MGAT1: variants seen among roughly 807,000 people sequenced by gnomAD.
MGAT1 encodes the protein alpha-1,3-mannosyl-glycoprotein 2-beta-N-acetylglucosaminyltransferase.
In MGAT1, 14 loss-of-function variants were observed where a neutral mutation model predicts 31.7. The ratio of observed to expected loss-of-function variants is 0.44; its 90% CI spans 0.29 to 0.69. The LOEUF (loss-of-function observed/expected upper bound fraction) is 0.69. MGAT1 is among the 30% of genes least tolerant of loss of function. The pLI, the probability that MGAT1 is intolerant of heterozygous loss-of-function variation, is 0.12. For synonymous variants in MGAT1, 338 were observed against 276.0 expected (o/e 1.22, Z -2.23); for missense variants, 557 against 626.0 (o/e 0.89, Z 1.18).
rs769149714 is a variant in MGAT1, at chr5:180,792,193, C to A, written c.779G>T (p.Arg260Leu). The change falls in exon 2 of 2, where the codon CGC (arginine) becomes CTC (leucine). Residue 260 changes from arginine (R) to leucine (L), a missense_variant. Arg to Leu is a moderately radical substitution (Grantham distance 102). Transcript: ENST00000307826. ...GCCCAGGCCAGGGAAAAAGTCGGTGCGGTAGAGCAGCTCAGGCCTGCTGGC... is the reference window on the plus strand; with the variant it reads ...GCCCAGGCCAGGGAAAAAGTCGGTGAGGTAGAGCAGCTCAGGCCTGCTGGC... ...VDASRPELLY[R>L]TDFFPGLGWL... 10 of 1,613,088 alleles carry A rather than the reference C, an allele frequency of 6.2e-6. No homozygotes were observed. The highest frequency in any genetic ancestry group is 8.5e-6 in the Non-Finnish European group (10 of 1,179,992).
intron 1 of MGAT1, among the ~76,000 whole-genome samples, chr5:180,813,051 T>C (rs1452694159): frequency 6.6e-6 from 1 of 152,200 alleles, no homozygotes; most frequent in Non-Finnish European, 1.5e-5. Context: ...CTTTTCACTT[T>C]TGCAAAATTA....
chr5:180,801,314 G>A (rs556037623), intron 1 of MGAT1, among the ~76,000 whole-genome samples: 82 of 152,316 alleles, frequency 5.4e-4, no homozygotes, highest in Middle Eastern at 3.4e-3. Flanking sequence ...TGGAAGAAAT[G>A]GTAACAGATT....
chr5:180,805,577 T>C (rs1316066286), upstream of MGAT1, among the ~76,000 whole-genome samples: 1 of 151,950 alleles, frequency 6.6e-6, no homozygotes, highest in Non-Finnish European at 1.5e-5. Context: ...TAGTGAAACA[T>C]CGTCTCTACT....
Position 180,785,773 on chromosome 5 carries a change from G to A in MGAT1, c.*5861C>T, listed in dbSNP as rs1242176906. 3 of 152,298 alleles carry A rather than the reference G, an allele frequency of 2.0e-5. No individual in the cohort carries two copies. Among genetic ancestry groups the A allele is most frequent in the Non-Finnish European group, 4.4e-5 (3 of 68,064 alleles). 9.4% of individuals were successfully genotyped at this position (152,298 alleles called of 1,614,324 possible). On this transcript the variant is annotated 3_prime_UTR_variant, in exon 2 of 2. Coordinates refer to ENST00000307826, the MANE Select transcript of MGAT1 (RefSeq NM_002406.4). ...AAAGGTTTTGCCCTTTTCCTAAATA[G>A]AAACTCTGAAAAGTAATCAAACAGT... is the stretch of plus-strand genomic sequence containing the variant.
intron 1 of MGAT1, among the ~76,000 whole-genome samples, chr5:180,801,954 A>G (rs1770861303): frequency 6.6e-6 from 1 of 152,230 alleles, no homozygotes; most frequent in Non-Finnish European, 1.5e-5. Context: ...TGGAAGGCAG[A>G]TCCTGGATGA....
rs780680621 is a variant in MGAT1 at position 180,792,190 on chromosome 5, G to A, written c.782C>T (p.Thr261Ile). 1.2e-6 allele frequency: 2 copies of A among 1,613,004 alleles called. No individual in the cohort carries two copies. Among genetic ancestry groups the A allele is most frequent in the Admixed American group, 3.3e-5 (2 of 60,016 alleles). ...DASRPELLYR[T>I]DFFPGLGWLL... is the part of the protein sequence containing the mutation. ...CCAGCCCAGGCCAGGGAAAAAGTCG[G>A]TGCGGTAGAGCAGCTCAGGCCTGCT... The change falls in exon 2 of 2, where the codon ACC (threonine) becomes ATC (isoleucine). Residue 261 changes from threonine (T) to isoleucine (I), a missense_variant. Physicochemically the swap from Thr to Ile is moderately conservative, Grantham distance 89. This residue lies in a region of MGAT1 where 245 missense variants were observed against 332.9 expected (regional missense o/e 0.74). Transcript: ENST00000307826.
Position 180,812,629 on chromosome 5 carries a change from C to T in MGAT1, c.-546+2785G>A, listed in dbSNP as rs186058963. Among the ~76,000 whole-genome samples, 1,061 of 152,194 alleles carry T rather than the reference C, an allele frequency of 7.0e-3. 4 individuals are homozygous for T. The highest frequency in any genetic ancestry group is 0.011 in the Admixed American group (169 of 15,286). On this transcript the variant is annotated intron_variant, in intron 1 of 2. Transcript: ENST00000333055. ...TTTCACAGTCCAAAGACAGATATTC[C>T]TGAATTGTAACTTTATTTTCTATAA...
intron 1 of MGAT1, chr5:180,810,187 C>A (rs979879808): frequency 6.6e-6 from 1 of 151,560 alleles, no homozygotes; most frequent in Non-Finnish European, 1.5e-5. Context: ...CTTCCCCCCT[C>A]CCACCATCCA....
intron 1 of MGAT1, among the ~76,000 whole-genome samples, chr5:180,800,343 AG>A (rs1437259385): frequency 1.3e-5 from 2 of 152,234 alleles, no homozygotes; most frequent in Admixed American, 1.3e-4. Context: ...TACTCCTCAC[AG>A]TTTCTATTGG....
In MGAT1 at chr5:180,792,127, T is replaced by C. The variant is rs1428952572; in HGVS notation, c.845A>G (p.Lys282Arg). The C allele has an allele frequency of 6.8e-6, 11 of 1,613,198 alleles. No individual in the cohort carries two copies. The highest frequency in any genetic ancestry group is 6.8e-6 in the Non-Finnish European group (8 of 1,179,936). The part of the protein sequence containing the change: ...LAELWAELEP[K>R]WPKAFWDDWM... ...GTCGTCCCAGAAGGCCTTTGGCCAC[T>C]TGGGCTCCAGCTCAGCCCAGAGCTC... The change falls in exon 2 of 2, where the codon AAG becomes AGG. Residue 282 changes from lysine to arginine, a missense_variant. Physicochemically the swap from Lys to Arg is conservative, Grantham distance 26. This residue lies in a region of MGAT1 where 245 missense variants were observed against 332.9 expected (regional missense o/e 0.74). Transcript: ENST00000307826.
Position 180,791,631 on chromosome 5 carries a change from G to A in MGAT1, c.*3C>T, listed in dbSNP as rs1277888744. 6.2e-7 allele frequency: 1 copy of A among 1,612,640 alleles called. No individual in the cohort carries two copies. Among genetic ancestry groups the A allele is most frequent in the Non-Finnish European group, 8.5e-7 (1 of 1,179,542 alleles). Reference sequence around the variant, plus strand: ...GGAGGGGCCCAGGAAGGACAGGCAGGTGCTAATTCCAGCTAGGATCATAGC... The same window carrying A: ...GGAGGGGCCCAGGAAGGACAGGCAGATGCTAATTCCAGCTAGGATCATAGC... On this transcript the variant is annotated 3_prime_UTR_variant, in exon 2 of 2. Transcript: ENST00000307826.
Position 180,784,859 on chromosome 5 carries a change from C to T in MGAT1, c.*6775G>A, listed in dbSNP as rs2306631. ...ACGATAAGCACATATTACTTATATACGAAAAAAGTTATTTAAAAAACAATA... is the reference window on the plus strand; with the variant it reads ...ACGATAAGCACATATTACTTATATATGAAAAAAGTTATTTAAAAAACAATA... On this transcript the variant is annotated 3_prime_UTR_variant, in exon 2 of 2. Transcript: ENST00000307826. The T allele has an allele frequency of 3.9e-5, 6 of 152,054 alleles. No individual in the cohort carries two copies. Among genetic ancestry groups the T allele is most frequent in the African/African-American group, 1.2e-4 (5 of 41,406 alleles). 9.4% of individuals were successfully genotyped at this position (152,054 alleles called of 1,614,324 possible).
chr5:180,798,097 GACA>G (rs2113373712), intron 1 of MGAT1, among the ~76,000 whole-genome samples: 2 of 152,340 alleles, frequency 1.3e-5, no homozygotes, highest in African/African-American at 4.8e-5. Context: ...AGGCAAGCCA[GACA>G]GCCCAGAGGC....
Position 180,791,605 on chromosome 5 carries a change from A to C in MGAT1, c.*29T>G. 1.2e-6 allele frequency: 2 copies of C among 1,605,062 alleles called. No individual in the cohort carries two copies. The highest frequency in any genetic ancestry group is 1.7e-6 in the Non-Finnish European group (2 of 1,175,244). On this transcript the variant is annotated 3_prime_UTR_variant, in exon 2 of 2. Transcript: ENST00000307826. Reference sequence around the variant, plus strand: ...TCCCACCTCAGCTCATGATGTGGCAAGGAGGGGCCCAGGAAGGACAGGCAG... The same window carrying C: ...TCCCACCTCAGCTCATGATGTGGCACGGAGGGGCCCAGGAAGGACAGGCAG...
chr5:180,800,996 G>A (rs568219973), intron 1 of MGAT1, among the ~76,000 whole-genome samples: 3 of 152,320 alleles, frequency 2.0e-5, no homozygotes, highest in Non-Finnish European at 2.9e-5. Flanking sequence ...CAGGTACAAA[G>A]ACATCTGCAC....
chr5:180,795,213 G>A (rs1259298460), intron 1 of MGAT1, among the ~76,000 whole-genome samples: 1 of 151,866 alleles, frequency 6.6e-6, no homozygotes, highest in Non-Finnish European at 1.5e-5. Flanking sequence ...CTACACAGGG[G>A]CATTAGGAAG....
upstream of MGAT1, among the ~76,000 whole-genome samples, chr5:180,807,145 T>G (rs981850001): frequency 6.6e-6 from 1 of 152,170 alleles, no homozygotes; most frequent in Admixed American, 6.5e-5. Flanking sequence ...ACATGGAAAG[T>G]AAGGCATAAG....
upstream of MGAT1, chr5:180,803,235 T>G (rs3806862): frequency 0.13 from 19,872 of 152,322 alleles, 1,379 homozygotes; most frequent in East Asian, 0.25. Flanking sequence ...AGCCCCAGGG[T>G]CGCGTGGGGC....
At chr5:180,809,824 CCA>C (rs111779744) in intron 1 of MGAT1, 10 of 146,884 alleles carry the variant, frequency 6.8e-5, no homozygotes, top group African/African-American at 2.7e-4. Context: ...ACACATCCAT[CCA>C]CACACACTCT....
Sources: allele counts gnomAD v4.1 joint callset (sites outside exome capture counted in the v4.1 genomes callset), GRCh38; gene constraint gnomAD v4.1.1; regional missense constraint gnomAD v4.1.1; transcripts MANE v1.5; gene names NCBI Gene and HGNC (gene_info 2026-07-23, HGNC 2026-07-21).